The following CLIP4 variants were observed in gnomAD, a reference collection of about 807,000 sequenced individuals.
CLIP4 encodes CAP-Gly domain containing linker protein family member 4.
CLIP4 carries 47 observed loss-of-function variants against 73.1 expected under a neutral mutation model. That is an observed-to-expected ratio of 0.64 (90% confidence interval 0.51 to 0.82). The LOEUF is 0.82. Among genes scored for constraint, CLIP4 ranks in the 40% least tolerant of loss-of-function variants. The pLI is 0.00. For synonymous variants in CLIP4, 306 were observed against 295.4 expected, an observed-to-expected ratio of 1.04 and a Z score of -0.37; for missense variants, 874 against 852.9, an observed-to-expected ratio of 1.02 and a Z score of -0.31.
rs1035894778 is a variant in CLIP4 at position 29,183,281 on chromosome 2, A to T, written c.*1388A>T. The T allele has an allele frequency of 6.6e-6, 1 of 152,626 alleles. No homozygotes were observed. Among genetic ancestry groups the T allele is most frequent in the African/African-American group, 2.4e-5 (1 of 41,450 alleles). The allele number at this position is 152,626 out of a possible 1,614,324, so 9.5% of individuals were successfully genotyped here. On this transcript the variant is annotated 3_prime_UTR_variant, in exon 16 of 16. Coordinates refer to ENST00000320081, the MANE Select transcript of CLIP4 (RefSeq NM_024692.6). ...AGCTTGCCTTGTGCTTAGAAATAAT[A>T]TGTTGAACTATTTTGCAATATACTA...
intron 1 of CLIP4, among the ~76,000 whole-genome samples, chr2:29,104,276 T>C (rs2148434314): frequency 6.6e-6 from 1 of 151,750 alleles, no homozygotes; most frequent in South Asian, 2.1e-4. Context: ...CTAGGGTCTC[T>C]TTGTTTTTGT....
rs769144399 is a variant in CLIP4 at position 29,143,808 on chromosome 2, A to T, written c.748A>T (p.Met250Leu). ...AGCCACTGCTAAGGAAATCAAGCAG[A>T]TGCTTCTAGATGCGGTGCCTCTGTC... ...AAATAKEIKQMLLDAVPLSCN... is the reference protein window; with the variant it reads ...AAATAKEIKQLLLDAVPLSCN... The change falls in exon 7 of 16, where the codon ATG (methionine) becomes TTG (leucine). Residue 250 changes from methionine to leucine, a missense_variant. By Grantham distance (15) the Met-to-Leu change is conservative (BLOSUM62 2). Transcript: ENST00000320081. 1.2e-6 allele frequency: 2 copies of T among 1,614,142 alleles called. No homozygotes were observed. The highest frequency in any genetic ancestry group is 1.6e-4 in the Middle Eastern group (1 of 6,062).
At chr2:29,148,098 C>G (rs745735687) in intron 8 of CLIP4, among the ~76,000 whole-genome samples, 17 of 152,116 alleles carry the variant, frequency 1.1e-4, no homozygotes, top group Non-Finnish European at 2.9e-5. Context: ...ATACCCCCGT[C>G]CCCTTGTATG....
At chr2:29,168,585 C>T (rs191875048) in intron 14 of CLIP4, among the ~76,000 whole-genome samples, 4 of 120,400 alleles carry the variant, frequency 3.3e-5, no homozygotes, top group East Asian at 2.7e-4. Flanking sequence ...TGCAGTGGTG[C>T]GATCTTGGCT....
At chr2:29,145,868 G>C (rs1368443501) in intron 8 of CLIP4, among the ~76,000 whole-genome samples, 1 of 152,206 alleles carries the variant, frequency 6.6e-6, no homozygotes, top group South Asian at 2.1e-4. Flanking sequence ...TTTCAGTAGA[G>C]ACAGGGTTTC....
At chr2:29,177,398 A>G (rs1238158947) in intron 15 of CLIP4, among the ~76,000 whole-genome samples, 1 of 107,810 alleles carries the variant, frequency 9.3e-6, no homozygotes, top group Non-Finnish European at 1.9e-5. Context: ...ACAGAGTAAG[A>G]CTCCGTCTCA....
At chr2:29,154,973 A>G (rs921712252) in intron 9 of CLIP4, among the ~76,000 whole-genome samples, 4 of 152,244 alleles carry the variant, frequency 2.6e-5, no homozygotes, top group East Asian at 1.9e-4. Context: ...TCCAGTGTCC[A>G]TACATAATAT....
In CLIP4 at chr2:29,167,481, C is replaced by T. The variant is rs770838161; in HGVS notation, c.1664C>T (p.Thr555Ile). Reference sequence around the variant, plus strand: ...GTCCTTTGTTTTATTCATAGAGTAACAGATTCCCTGGATACCCTTTCAGAA... The same window carrying T: ...GTCCTTTGTTTTATTCATAGAGTAATAGATTCCCTGGATACCCTTTCAGAA... ...FAPPSRVQRV[T>I]DSLDTLSEIS... The change falls in exon 14 of 16, where the codon ACA becomes ATA. Residue 555 changes from threonine (T) to isoleucine (I), a missense_variant. By Grantham distance (89) the Thr-to-Ile change is moderately conservative (BLOSUM62 -1). Coordinates refer to ENST00000320081, the MANE Select transcript of CLIP4 (RefSeq NM_024692.6). The T allele has an allele frequency of 3.7e-6, 6 of 1,606,134 alleles. No individual in the cohort carries two copies. Among genetic ancestry groups the T allele is most frequent in the Admixed American group, 1.7e-5 (1 of 58,892 alleles).
At chr2:29,172,505 C>G (rs1219021712) in intron 14 of CLIP4, among the ~76,000 whole-genome samples, 1 of 152,118 alleles carries the variant, frequency 6.6e-6, no homozygotes, top group Non-Finnish European at 1.5e-5. Context: ...GTGAGTCTAA[C>G]TAATTCATAT....
At chr2:29,128,787 A>G (rs1301120032) in intron 2 of CLIP4, among the ~76,000 whole-genome samples, 1 of 151,990 alleles carries the variant, frequency 6.6e-6, no homozygotes, top group African/African-American at 2.4e-5. Context: ...TTTCTTTTTC[A>G]GCAAAAAACA....
At chr2:29,175,614 C>T (rs1227417348) in intron 15 of CLIP4, 1 of 152,168 alleles carries the variant, frequency 6.6e-6, no homozygotes, top group Non-Finnish European at 1.5e-5. Context: ...TGGTTATACA[C>T]AAGACGCTCT....
intron 9 of CLIP4, 26 bp from the exon 10 acceptor site, chr2:29,156,328 T>C (rs1553375330): frequency 6.7e-7 from 1 of 1,490,494 alleles, no homozygotes; most frequent in Middle Eastern, 1.8e-4. Context: ...AATTCTTGCT[T>C]AAAGTGTTTT....
In CLIP4 at chr2:29,176,033, T is replaced by C. The variant is rs1406170418; in HGVS notation, c.1796+1588T>C. On this transcript the variant is annotated intron_variant, in intron 15 of 15. Transcript: ENST00000320081. ...ACCTTGGCCTCCCAAAGTGTTGGGA[T>C]TACAGGCGTGAGCCACCGCACCCGG... Among the ~76,000 whole-genome samples the C allele has an allele frequency of 5.3e-5, 8 of 152,196 alleles. 1 individual carries two copies. The South Asian group carries it at 1.0e-3, about 20-fold the overall frequency.
At chr2:29,159,052 G>C (rs938112384) in intron 11 of CLIP4, among the ~76,000 whole-genome samples, 1 of 152,182 alleles carries the variant, frequency 6.6e-6, no homozygotes. Context: ...CCACTTACTG[G>C]CTGTTAACAG....
intron 14 of CLIP4, among the ~76,000 whole-genome samples, chr2:29,169,329 C>CTGTGTGTGTGTGTGTG (rs70958249): frequency 7.1e-6 from 1 of 140,322 alleles, no homozygotes; most frequent in Non-Finnish European, 1.6e-5. Flanking sequence ...GTCTTTTTCA[C>CTGTGTGTGTGTGTGTG]TGTGTGTGTG....
In CLIP4 at chr2:29,135,633, C is replaced by G. The variant is rs776546325; in HGVS notation, c.615C>G (p.Cys205Trp). Reference sequence around the variant, plus strand: ...ACTTGTGTGCAGGTGCTGTGAAGTGCCTCTTGGAGCAGGGAGCAAATCCTG... The same window carrying G: ...ACTTGTGTGCAGGTGCTGTGAAGTGGCTCTTGGAGCAGGGAGCAAATCCTG... ...AYNLCAGAVK[C>W]LLEQGANPAF... Residue 205 changes from cysteine (C) to tryptophan (W), a missense_variant, in exon 6 of 16, where the codon TGC (cysteine) becomes TGG (tryptophan). Cys to Trp is a radical substitution (Grantham distance 215, BLOSUM62 -2). Transcript: ENST00000320081. 1 of 1,609,618 alleles carries G rather than the reference C, an allele frequency of 6.2e-7. No homozygotes were observed. Among genetic ancestry groups the G allele is most frequent in the South Asian group, 1.1e-5 (1 of 90,132 alleles).
At chr2:29,151,754 G>A (rs2148022727) in intron 8 of CLIP4, among the ~76,000 whole-genome samples, 1 of 152,288 alleles carries the variant, frequency 6.6e-6, no homozygotes, top group South Asian at 2.1e-4. Flanking sequence ...CTCAATGAAA[G>A]AGTGTAATAT....
At chr2:29,159,100 T>G (rs920063748) in intron 11 of CLIP4, among the ~76,000 whole-genome samples, 2 of 152,262 alleles carry the variant, frequency 1.3e-5, no homozygotes, top group African/African-American at 4.8e-5. Context: ...ATCTTATTTT[T>G]CAGCATAATT....
rs1158144880 is a variant in CLIP4, at chr2:29,115,501, C to T, written c.-180C>T. ...CGCCTGCACTGCGCGCGCGCCCACC[C>T]CGCGTGGGAGGCAGCGGGAGGGGCC... On this transcript the variant is annotated 5_prime_UTR_variant, in exon 1 of 16. Coordinates refer to ENST00000320081, the MANE Select transcript of CLIP4 (RefSeq NM_024692.6). This position sits in a 1 kb window ranked among gnomAD's most constrained non-coding sequence, Gnocchi z 5.1. 1.3e-5 allele frequency: 2 copies of T among 148,240 alleles called. No individual in the cohort carries two copies. The highest frequency in any genetic ancestry group is 2.1e-4 in the South Asian group (1 of 4,806). The allele number at this position is 148,240 out of a possible 1,614,324, so 9.2% of individuals were successfully genotyped here. A position where few individuals can be genotyped will look rare whatever the true frequency, so the allele number is the denominator to read the frequency against.
Sources: gnomAD v4.1 joint callset for allele counts (sites outside exome capture counted in the v4.1 genomes callset) on GRCh38, gnomAD v4.1.1 for gene constraint, Gnocchi (gnomAD v3.1) non-coding constraint, MANE v1.5 for transcripts, NCBI Gene and HGNC (gene_info 2026-07-23, HGNC 2026-07-21) for gene names.